The following CERS6 variants were observed in gnomAD, a reference collection of about 807,000 sequenced individuals.
CERS6 encodes the protein ceramide synthase 6.
CERS6 carries 26 observed loss-of-function variants against 56.8 expected under a neutral mutation model. The ratio of observed to expected loss-of-function variants is 0.46; its 90% CI spans 0.34 to 0.63. CERS6 has a LOEUF of 0.63. Ranked by LOEUF, CERS6 falls within the 30% of genes least tolerant of loss-of-function variation. The probability of loss-of-function intolerance (pLI) is 0.01; values close to 1 mark genes in which losing one functional copy is unlikely to be tolerated. For missense variants in CERS6, 415 were observed against 467.5 expected (o/e 0.89, Z 1.04); for synonymous variants, 164 against 173.3 (o/e 0.95, Z 0.42).
intron 1 of CERS6, among the ~76,000 whole-genome samples, chr2:168,504,638 A>G (rs1694643274): frequency 6.6e-6 from 1 of 151,770 alleles, no homozygotes; most frequent in Non-Finnish European, 1.5e-5. Flanking sequence ...TTAGGATTGT[A>G]TGTGGGTCTG....
At chr2:168,556,687 T>A (rs1695685080) in intron 2 of CERS6, among the ~76,000 whole-genome samples, 2 of 152,144 alleles carry the variant, frequency 1.3e-5, no homozygotes, top group African/African-American at 4.8e-5. Context: ...AAAAGAATAC[T>A]AAAAATTTAT....
chr2:168,620,658 G>A (rs925792427), intron 3 of CERS6, among the ~76,000 whole-genome samples: 1 of 152,038 alleles, frequency 6.6e-6, no homozygotes, highest in Non-Finnish European at 1.5e-5. Flanking sequence ...TCATCCCTGT[G>A]GAAGTTCTGT....
intron 3 of CERS6, among the ~76,000 whole-genome samples, chr2:168,629,020 A>C (rs937386265): frequency 6.6e-6 from 1 of 152,090 alleles, no homozygotes; most frequent in African/African-American, 2.4e-5. Flanking sequence ...GTGCTTTTTC[A>C]AGTTGCAAGA....
chr2:168,586,495 G>A (rs1020940997), intron 3 of CERS6, among the ~76,000 whole-genome samples: 18 of 152,042 alleles, frequency 1.2e-4, no homozygotes, highest in African/African-American at 4.3e-4. Context: ...TCCTCCTTAT[G>A]TACCTTGAGG....
intron 3 of CERS6, among the ~76,000 whole-genome samples, chr2:168,595,750 T>C (rs920446180): frequency 6.6e-6 from 1 of 152,236 alleles, no homozygotes; most frequent in African/African-American, 2.4e-5. Context: ...ATCTAATGTT[T>C]GACTCACATG....
At chr2:168,642,494 G>T (rs1475505941) in intron 4 of CERS6, among the ~76,000 whole-genome samples, 9 of 152,172 alleles carry the variant, frequency 5.9e-5, no homozygotes, top group African/African-American at 2.2e-4. Flanking sequence ...TGAAGCTGTG[G>T]TGGCTGATAT....
At chr2:168,490,406 G>A (rs553829224) in intron 1 of CERS6, among the ~76,000 whole-genome samples, 43 of 152,180 alleles carry the variant, frequency 2.8e-4, no homozygotes, top group African/African-American at 1.0e-3. Context: ...CTCTGTGACT[G>A]GGTCCTGCTC....
At chr2:168,648,612 G>A (rs1301803619) in intron 4 of CERS6, among the ~76,000 whole-genome samples, 3 of 152,108 alleles carry the variant, frequency 2.0e-5, no homozygotes, top group African/African-American at 7.2e-5. Context: ...CAGTTATGAT[G>A]TTAGGTTGTT....
intron 4 of CERS6, among the ~76,000 whole-genome samples, chr2:168,656,693 T>C (rs1314890658): frequency 2.0e-5 from 3 of 152,044 alleles, no homozygotes; most frequent in Non-Finnish European, 2.9e-5. Context: ...GTAGCAAGAT[T>C]TATTGCAAAG....
chr2:168,553,651 G>A (rs142784362), intron 2 of CERS6, among the ~76,000 whole-genome samples: 1 of 152,144 alleles, frequency 6.6e-6, no homozygotes, highest in African/African-American at 2.4e-5. Context: ...AAAAATTTAG[G>A]GATATTATTC....
chr2:168,526,659 A>G (rs986258071), intron 1 of CERS6, among the ~76,000 whole-genome samples: 2 of 152,254 alleles, frequency 1.3e-5, no homozygotes, highest in African/African-American at 2.4e-5. Context: ...ATTTGAACCT[A>G]TGACAGCTTG....
intron 2 of CERS6, among the ~76,000 whole-genome samples, chr2:168,548,764 A>G (rs1323476854): frequency 2.6e-5 from 4 of 152,182 alleles, no homozygotes; most frequent in Non-Finnish European, 4.4e-5. Context: ...TTCTTCCAAA[A>G]TTCTCTAGAG....
intron 1 of CERS6, among the ~76,000 whole-genome samples, chr2:168,524,619 T>C (rs1482782235): frequency 1.3e-5 from 2 of 151,872 alleles, no homozygotes; most frequent in African/African-American, 4.8e-5. Flanking sequence ...ACTCAGGGGG[T>C]TGGGATGAGA....
Position 168,686,244 on chromosome 2 carries a change from G to C in CERS6, c.466-4790G>C, listed in dbSNP as rs77771218. 9.9e-3 allele frequency among the ~76,000 whole-genome samples: 1,486 copies of C among 150,450 alleles called. 36 individuals carry two copies. The highest frequency in any genetic ancestry group is 0.034 in the African/African-American group (1,369 of 40,576). On this transcript the variant is annotated intron_variant, in intron 4 of 9. Coordinates refer to ENST00000305747, the MANE Select transcript of CERS6 (RefSeq NM_203463.3). The stretch of plus-strand genomic sequence containing the variant: ...CTTGGTCTTCCCTCTGAGCACGCGC[G>C]TGGAGAGGGAGAAATCTCTCTCTTC...
intron 3 of CERS6, among the ~76,000 whole-genome samples, chr2:168,609,888 C>T (rs13398422): frequency 2.0e-5 from 3 of 151,698 alleles, no homozygotes; most frequent in African/African-American, 7.3e-5. Context: ...TTTTTTTTCC[C>T]AGTGACACTA....
chr2:168,737,138 A>G (rs111506719), intron 8 of CERS6, among the ~76,000 whole-genome samples: 2,211 of 152,252 alleles, frequency 0.015, 52 homozygotes, highest in African/African-American at 0.05. Context: ...GGCACAAGCA[A>G]TTGTGATAGA....
chr2:168,483,072 C>T (rs1384159663), intron 1 of CERS6, among the ~76,000 whole-genome samples: 1 of 152,148 alleles, frequency 6.6e-6, no homozygotes, highest in African/African-American at 2.4e-5. Context: ...GTTTTAATAG[C>T]TGTAGTGGTG....
intron 4 of CERS6, among the ~76,000 whole-genome samples, chr2:168,675,342 T>C (rs1339241754): frequency 6.6e-6 from 1 of 151,932 alleles, no homozygotes; most frequent in African/African-American, 2.4e-5. Flanking sequence ...CCCAGCACTT[T>C]GGGAGGCCGA....
chr2:168,561,304 C>G lies in CERS6; in HGVS notation c.389C>G (p.Thr130Arg). The change falls in exon 3 of 10, where the codon ACG becomes AGG. Residue 130 changes from threonine (T) to arginine (R), a missense_variant. Physicochemically the swap from Thr to Arg is moderately conservative, Grantham distance 71. Coordinates refer to ENST00000305747, the MANE Select transcript of CERS6 (RefSeq NM_203463.3). ...RRNQEKPSTL[T>R]RFCESMWRFS... ...AATCAGGAGAAGCCAAGCACGCTGA[C>G]GAGGTTCTGTGAGAGCATGTAAGTT... 1 of 1,614,040 alleles carries G rather than the reference C, an allele frequency of 6.2e-7. No individual in the cohort carries two copies. The highest frequency in any genetic ancestry group is 8.5e-7 in the Non-Finnish European group (1 of 1,179,968).
Sources: allele counts gnomAD v4.1 joint callset (sites outside exome capture counted in the v4.1 genomes callset), GRCh38; gene constraint gnomAD v4.1.1; transcripts MANE v1.5; gene names NCBI Gene and HGNC (gene_info 2026-07-23, HGNC 2026-07-21).